The following MAML2 variants were observed in gnomAD, a reference collection of about 807,000 sequenced individuals.
MAML2 encodes mastermind-like protein 2.
Under a neutral mutation model 96.1 loss-of-function variants are expected in MAML2, and 22 were observed. The observed-to-expected ratio is 0.23, with a 90% CI of 0.16 to 0.33. The LOEUF (loss-of-function observed/expected upper bound fraction) is 0.33. Ranked by LOEUF, MAML2 falls within the 10% of genes least tolerant of loss-of-function variation. MAML2 has a pLI of 1.00. For synonymous variants in MAML2, 561 were observed against 521.3 expected (o/e 1.08, Z -1.04); for missense variants, 1,367 against 1,392.4 (o/e 0.98, Z 0.29).
chr11:96,124,904 C>A (rs146621340), intron 1 of MAML2, among the ~76,000 whole-genome samples: 1 of 152,338 alleles, frequency 6.6e-6, no homozygotes, highest in African/African-American at 2.4e-5. Flanking sequence ...TCAAGATATT[C>A]TCAATCCTAG....
At chr11:96,276,277 C>T (rs558272932) in intron 1 of MAML2, among the ~76,000 whole-genome samples, 1 of 152,134 alleles carries the variant, frequency 6.6e-6, no homozygotes, top group Non-Finnish European at 1.5e-5. Flanking sequence ...GAGAGGAAGG[C>T]TATGCACATT....
At chr11:96,031,646 A>C (rs1858616121) in intron 2 of MAML2, among the ~76,000 whole-genome samples, 1 of 152,162 alleles carries the variant, frequency 6.6e-6, no homozygotes, top group African/African-American at 2.4e-5. Context: ...CTTGGGGTAC[A>C]GACAAAATGT....
rs1864016308 is a variant in MAML2, at chr11:96,342,702, T to C, written c.-807A>G. The C allele has an allele frequency of 2.9e-6, 1 of 343,322 alleles. No homozygotes were observed. The highest frequency in any genetic ancestry group is 1.5e-4 in the South Asian group (1 of 6,534). The allele number at this position is 343,322 out of a possible 1,614,324, so 21.3% of individuals were successfully genotyped here. On this transcript the variant is annotated 5_prime_UTR_variant, in exon 1 of 5. Transcript: ENST00000524717. ...ATGCTTTTTTCTTCAGCTAATCCAA[T>C]CACCGGTAAAATCCTCACTCCCTCT... is the stretch of plus-strand genomic sequence containing the variant.
intron 1 of MAML2, among the ~76,000 whole-genome samples, chr11:96,225,803 A>G (rs976669486): frequency 6.6e-6 from 1 of 151,702 alleles, no homozygotes; most frequent in Non-Finnish European, 1.5e-5. Flanking sequence ...ACTGTACCCC[A>G]CCCTGGGTGA....
intron 1 of MAML2, among the ~76,000 whole-genome samples, chr11:96,297,673 T>G (rs1055612852): frequency 1.3e-5 from 2 of 152,170 alleles, no homozygotes; most frequent in African/African-American, 4.8e-5. Context: ...CAAACATACA[T>G]AAATTAAAGA....
chr11:95,993,459 T>C lies in MAML2; in HGVS notation c.2140-1736A>G, dbSNP rs373994750. Among the ~76,000 whole-genome samples the C allele has an allele frequency of 5.3e-5, 8 of 152,080 alleles. No individual in the cohort carries two copies. The East Asian group carries it at 7.7e-4, about 15-fold the overall frequency. On this transcript the variant is annotated intron_variant, in intron 2 of 4. Transcript: ENST00000524717. ...GCACATGCCTGTAATCCCAATTACT[T>C]ACTCAGGAGGCTGAGGCATGAGAAT...
chr11:96,149,321 G>T (rs1400692318), intron 1 of MAML2, among the ~76,000 whole-genome samples: 1 of 149,370 alleles, frequency 6.7e-6, no homozygotes, highest in African/African-American at 2.5e-5. Flanking sequence ...GGAGGCTAAG[G>T]CAGGAGAATT....
chr11:96,103,919 C>T (rs545081465), intron 1 of MAML2, among the ~76,000 whole-genome samples: 1 of 152,318 alleles, frequency 6.6e-6, no homozygotes, highest in East Asian at 1.9e-4. Flanking sequence ...ATTTCCGTTT[C>T]AGATGCAGGC....
chr11:96,056,521 T>C (rs1859073070), intron 2 of MAML2, among the ~76,000 whole-genome samples: 1 of 152,184 alleles, frequency 6.6e-6, no homozygotes. Flanking sequence ...TGCACATTCA[T>C]GAATCTCTTT....
chr11:96,182,878 T>G (rs1490446764), intron 1 of MAML2, among the ~76,000 whole-genome samples: 3 of 152,148 alleles, frequency 2.0e-5, no homozygotes, highest in African/African-American at 7.2e-5. Flanking sequence ...TTTTTTTTGT[T>G]GTCGCTATCA....
intron 1 of MAML2, among the ~76,000 whole-genome samples, chr11:96,308,059 T>G (rs573922443): frequency 3.3e-5 from 5 of 152,312 alleles, no homozygotes; most frequent in Admixed American, 6.5e-5. Context: ...CTGGCTTCTT[T>G]ACAATTCTAG....
intron 1 of MAML2, among the ~76,000 whole-genome samples, chr11:96,227,071 C>T (rs932209779): frequency 3.9e-5 from 6 of 152,220 alleles, no homozygotes; most frequent in Admixed American, 1.3e-4. Context: ...AAGCTGTCTC[C>T]TACCTCGGGG....
At chr11:96,293,557 C>G (rs1484624657) in intron 1 of MAML2, among the ~76,000 whole-genome samples, 1 of 151,978 alleles carries the variant, frequency 6.6e-6, no homozygotes, top group Non-Finnish European at 1.5e-5. Context: ...AAGTTTGAAG[C>G]ACAGCAAACT....
At chr11:96,285,683 C>G (rs1780286755) in intron 1 of MAML2, among the ~76,000 whole-genome samples, 1 of 152,098 alleles carries the variant, frequency 6.6e-6, no homozygotes, top group Non-Finnish European at 1.5e-5. Flanking sequence ...AGACACTCCT[C>G]AGATGAAGAC....
Position 95,979,560 on chromosome 11 carries a change from T to C in MAML2, c.2859A>G (p.Ser953=), listed in dbSNP as rs201474167. ...TTGTGTTGGATGTGATCATTACGTT[T>C]GATGTTCTCTGTGGTGGCATGCTTG... The part of the protein sequence containing the change: ...SMASMPPQRT[S]NVMITSNTTA... The change falls in exon 5 of 5, where the codon TCA becomes TCG. Residue 953 remains serine, a synonymous_variant. Coordinates refer to ENST00000524717, the MANE Select transcript of MAML2 (RefSeq NM_032427.4). The C allele has an allele frequency of 5.6e-6, 9 of 1,613,932 alleles. No individual in the cohort carries two copies. In the African/African-American group the frequency reaches 1.1e-4, roughly 19 times the overall value.
intron 2 of MAML2, among the ~76,000 whole-genome samples, chr11:96,051,795 A>G (rs1282055593): frequency 6.6e-6 from 1 of 152,132 alleles, no homozygotes; most frequent in African/African-American, 2.4e-5. Context: ...AAAAGGGCAA[A>G]CTTTACCTGG....
At chr11:96,305,851 A>C (rs1471076502) in intron 1 of MAML2, among the ~76,000 whole-genome samples, 1 of 152,238 alleles carries the variant, frequency 6.6e-6, no homozygotes, top group Admixed American at 6.5e-5. Context: ...GTGAAAATAA[A>C]TAGCTAACCT....
intron 1 of MAML2, among the ~76,000 whole-genome samples, chr11:96,170,601 T>C (rs1000996036): frequency 2.0e-5 from 3 of 152,170 alleles, no homozygotes; most frequent in African/African-American, 7.2e-5. Flanking sequence ...AAGGGGTAGA[T>C]GTTTGATGCG....
Position 96,343,037 on chromosome 11 carries a change from G to A in MAML2, c.-1142C>T. On this transcript the variant is annotated 5_prime_UTR_variant, in exon 1 of 5. Coordinates refer to ENST00000524717, the MANE Select transcript of MAML2 (RefSeq NM_032427.4). ...CAATCTGGTTCTATCTCCTGTATTT[G>A]CTCCGCTTTATAGATGGAAAAAAAA... is the stretch of plus-strand genomic sequence containing the variant. 2.5e-6 allele frequency: 1 copy of A among 396,114 alleles called. No individual in the cohort carries two copies. The highest frequency in any genetic ancestry group is 1.3e-4 in the South Asian group (1 of 7,492). The allele number at this position is 396,114 out of a possible 1,614,324, so 24.5% of individuals were successfully genotyped here.
Sources: gnomAD v4.1 joint callset for allele counts (sites outside exome capture counted in the v4.1 genomes callset) on GRCh38, gnomAD v4.1.1 for gene constraint, MANE v1.5 for transcripts, NCBI Gene and HGNC (gene_info 2026-07-23, HGNC 2026-07-21) for gene names.